The following MTHFD2L variants were observed in gnomAD, a reference collection of about 807,000 sequenced individuals.
MTHFD2L encodes the protein bifunctional methylenetetrahydrofolate dehydrogenase/cyclohydrolase 2, mitochondrial.
Under a neutral mutation model 34.9 loss-of-function variants are expected in MTHFD2L, and 29 were observed. That is an observed-to-expected ratio of 0.83 (90% CI 0.62 to 1.13). The LOEUF (loss-of-function observed/expected upper bound fraction) is 1.13. MTHFD2L is among the 50% of genes most tolerant of loss of function. The probability of loss-of-function intolerance (pLI) is 0.00; values close to 1 mark genes in which losing one functional copy is unlikely to be tolerated. For synonymous variants in MTHFD2L, 167 were observed against 155.7 expected (o/e 1.07, Z -0.54); for missense variants, 481 against 446.5 (o/e 1.08, Z -0.70).
At chr4:74,286,288 A>G (rs1313478966) in intron 7 of MTHFD2L, among the ~76,000 whole-genome samples, 1 of 152,202 alleles carries the variant, frequency 6.6e-6, no homozygotes, top group Non-Finnish European at 1.5e-5. Context: ...ATTTTTCATT[A>G]CTAATAATCA....
At chr4:74,256,376 G>A (rs1041528776) in intron 6 of MTHFD2L, among the ~76,000 whole-genome samples, 6 of 152,090 alleles carry the variant, frequency 3.9e-5, no homozygotes, top group African/African-American at 1.2e-4. Context: ...ACCTCCCAAA[G>A]GGCTGGGATT....
chr4:74,134,172 T>C (rs546429), intron 1 of MTHFD2L, among the ~76,000 whole-genome samples: 150,918 of 152,292 alleles, frequency 0.99, 74,796 homozygotes, highest in East Asian at 1. Context: ...TGTGACTGCC[T>C]GGAGGGAGAA....
At chr4:74,242,348 A>T (rs1451114045) in intron 6 of MTHFD2L, 6 of 152,142 alleles carry the variant, frequency 3.9e-5, no homozygotes, top group African/African-American at 1.4e-4. Flanking sequence ...TAGCAAACAG[A>T]TTTTAATGTA....
chr4:74,205,083 C>G (rs1007220521), intron 5 of MTHFD2L, among the ~76,000 whole-genome samples: 1 of 152,054 alleles, frequency 6.6e-6, no homozygotes, highest in African/African-American at 2.4e-5. Context: ...ATTACAGTAA[C>G]TAAAAGGTAA....
chr4:74,238,894 AAACTAGTTCAACC>A (rs1402072139), intron 6 of MTHFD2L, among the ~76,000 whole-genome samples: 2 of 152,140 alleles, frequency 1.3e-5, no homozygotes, highest in Non-Finnish European at 2.9e-5. Flanking sequence ...TTGGGAGTGT[AAACTAGTTCAACC>A]ATTGTGGAAG....
chr4:74,171,693 C>G (rs1217214594), intron 1 of MTHFD2L, among the ~76,000 whole-genome samples: 1 of 152,118 alleles, frequency 6.6e-6, no homozygotes, highest in Non-Finnish European at 1.5e-5. Context: ...ATTCCAGCTA[C>G]TCTGGAGGCT....
chr4:74,225,416 T>C, intron 6 of MTHFD2L, 22 bp downstream of exon 6: 2 of 1,580,554 alleles, frequency 1.3e-6, no homozygotes, highest in East Asian at 4.5e-5. Flanking sequence ...GTGACTGTTA[T>C]TTTTTGGAAT....
chr4:74,214,999 G>A (rs1736954582), intron 5 of MTHFD2L, among the ~76,000 whole-genome samples: 1 of 151,660 alleles, frequency 6.6e-6, no homozygotes, highest in African/African-American at 2.4e-5. Context: ...ACACTGTGAG[G>A]GGAAAACTGC....
chr4:74,213,695 C>T (rs1051753949), intron 5 of MTHFD2L, among the ~76,000 whole-genome samples: 1 of 152,086 alleles, frequency 6.6e-6, no homozygotes, highest in Non-Finnish European at 1.5e-5. Context: ...TGTTGTTGCT[C>T]TTCTCATGGA....
At chr4:74,166,908 C>T (rs1223334284) in intron 1 of MTHFD2L, among the ~76,000 whole-genome samples, 2 of 152,228 alleles carry the variant, frequency 1.3e-5, no homozygotes, top group Non-Finnish European at 2.9e-5. Flanking sequence ...TCTTCCCCTG[C>T]AGATCTAGGT....
intron 6 of MTHFD2L, among the ~76,000 whole-genome samples, chr4:74,247,355 C>T (rs1447828472): frequency 4.0e-5 from 6 of 150,936 alleles, no homozygotes; most frequent in Admixed American, 1.3e-4. Flanking sequence ...GCTGAATTTG[C>T]TTATCAGCTG....
chr4:74,252,357 G>A (rs1743435844), intron 6 of MTHFD2L, among the ~76,000 whole-genome samples: 1 of 151,046 alleles, frequency 6.6e-6, no homozygotes, highest in African/African-American at 2.4e-5. Flanking sequence ...GATATCTCGG[G>A]GGTCATAACA....
At chr4:74,148,853 A>G (rs1318611535) in intron 1 of MTHFD2L, among the ~76,000 whole-genome samples, 1 of 151,684 alleles carries the variant, frequency 6.6e-6, no homozygotes, top group African/African-American at 2.4e-5. Flanking sequence ...TTACATTTAG[A>G]TTTATCCCAT....
upstream of MTHFD2L, among the ~76,000 whole-genome samples, chr4:74,155,923 AAC>A (rs1237446103): frequency 6.6e-6 from 1 of 151,462 alleles, no homozygotes; most frequent in African/African-American, 2.4e-5. Context: ...AAAAAAAAAA[AAC>A]ACTTTTACAC....
chr4:74,214,360 G>A (rs1043407113), intron 5 of MTHFD2L, among the ~76,000 whole-genome samples: 1 of 151,678 alleles, frequency 6.6e-6, no homozygotes, highest in African/African-American at 2.4e-5. Context: ...TTTACCTTTG[G>A]TCTTTGATGT....
intron 6 of MTHFD2L, among the ~76,000 whole-genome samples, chr4:74,262,771 T>G (rs576671140): frequency 1.1e-4 from 17 of 152,098 alleles, no homozygotes; most frequent in Admixed American, 1.1e-3. Context: ...ATGCTGCTGA[T>G]GAAGTTATGC....
intron 6 of MTHFD2L, among the ~76,000 whole-genome samples, chr4:74,234,528 C>T (rs1365129765): frequency 1.3e-5 from 2 of 151,884 alleles, no homozygotes; most frequent in Non-Finnish European, 1.5e-5. Context: ...ATGAACAGTT[C>T]TGTAATGTTT....
chr4:74,263,784 T>G (rs28788278), intron 6 of MTHFD2L, among the ~76,000 whole-genome samples: 9,589 of 152,062 alleles, frequency 0.063, 693 homozygotes, highest in African/African-American at 0.17. Context: ...CAGGGATAGT[T>G]TGACTTCCTA....
At chr4:74,157,947 C>T (rs1262783624), upstream of MTHFD2L, 8 of 895,152 alleles carry the variant, frequency 8.9e-6, 1 homozygote, top group African/African-American at 1.6e-5. Context: ...CCTGCGGACC[C>T]GGCACTCTGT....
Sources: gnomAD v4.1 joint callset for allele counts (sites outside exome capture counted in the v4.1 genomes callset) on GRCh38, gnomAD v4.1.1 for gene constraint, MANE v1.5 for transcripts, NCBI Gene and HGNC (gene_info 2026-07-23, HGNC 2026-07-21) for gene names.